Variants in ERAP1 observed in about 807,000 individuals in gnomAD.
ERAP1 encodes the protein endoplasmic reticulum aminopeptidase 1, also known as adipocyte-derived leucine aminopeptidase.
In ERAP1, 86 loss-of-function variants were observed where a neutral mutation model predicts 103.7. The observed-to-expected ratio is 0.83, with a 90% CI of 0.70 to 0.99. ERAP1 has a LOEUF of 0.99. ERAP1 is among the 50% of genes least tolerant of loss of function. The pLI, the probability that ERAP1 is intolerant of heterozygous loss-of-function variation, is 0.00. For synonymous variants in ERAP1, 398 were observed against 402.4 expected, an observed-to-expected ratio of 0.99 and a Z score of 0.13; for missense variants, 1,009 against 1,128.4, an observed-to-expected ratio of 0.89 and a Z score of 1.52.
Position 96,781,067 on chromosome 5 carries a change from A to G in ERAP1, c.2579T>C (p.Leu860Pro). 4 of 1,614,074 alleles carry G rather than the reference A, an allele frequency of 2.5e-6. No individual in the cohort carries two copies. The highest frequency in any genetic ancestry group is 3.4e-6 in the Non-Finnish European group (4 of 1,179,996). The change falls in exon 17 of 19, where the codon CTT (leucine) becomes CCT (proline). Residue 860 changes from leucine (L) to proline (P), a missense_variant. Physicochemically the swap from Leu to Pro is moderately conservative, Grantham distance 98 (BLOSUM62 -3). Around this residue, in one of 3 missense-constraint regions of ERAP1, gnomAD observed 611 missense variants for 651.7 expected, o/e 0.94. Coordinates refer to ENST00000443439, the MANE Select transcript of ERAP1 (RefSeq NM_001040458.3). ...WQFLRKNWNK[L>P]VQKFELGSSS... ...TTTTGGCACCACTTACTTTTGTACA[A>G]GTTTGTTCCAGTTTTTCCTCAGAAA...
chr5:96,908,940 G>C, the ERAP1 span: 1 of 1,604,658 alleles, frequency 6.2e-7, no homozygotes, highest in Non-Finnish European at 8.5e-7. Context: ...ACAAACCACT[G>C]ACATTTGTTT....
the ERAP1 span, among the ~76,000 whole-genome samples, chr5:96,922,082 G>C: frequency 4.1e-3 from 616 of 151,224 alleles, 5 homozygotes; most frequent in African/African-American, 0.014. Context: ...GCGGATCACA[G>C]GGTCAGGAGA....
chr5:96,837,826 A>C, the ERAP1 span, among the ~76,000 whole-genome samples: 3 of 152,170 alleles, frequency 2.0e-5, no homozygotes, highest in Non-Finnish European at 4.4e-5. Flanking sequence ...TGCTGGTGAA[A>C]GTGGCTCTCA....
At chr5:96,885,470 T>C in the ERAP1 span, among the ~76,000 whole-genome samples, 1 of 152,238 alleles carries the variant, frequency 6.6e-6, no homozygotes, top group Admixed American at 6.5e-5. Context: ...TACCTTCCTC[T>C]TTATTGGAGC....
At chr5:96,770,283 G>A, downstream of ERAP1, 1 of 471,492 alleles carries the variant, frequency 2.1e-6, no homozygotes, top group Non-Finnish European at 3.9e-6. Context: ...GGGTGAGTCA[G>A]GCACCACGGG....
the ERAP1 span, among the ~76,000 whole-genome samples, chr5:96,932,354 G>A: frequency 2.6e-5 from 4 of 152,232 alleles, no homozygotes; most frequent in African/African-American, 9.6e-5. Flanking sequence ...AAAATAATTA[G>A]AAAGATCACT....
At chr5:96,880,065 A>T in the ERAP1 span, 1 of 1,614,192 alleles carries the variant, frequency 6.2e-7, no homozygotes, top group South Asian at 1.1e-5. Flanking sequence ...TCAGAGGAAG[A>T]TTCAAGATAC....
chr5:96,836,185 T>TTG, the ERAP1 span, among the ~76,000 whole-genome samples: 1 of 150,290 alleles, frequency 6.7e-6, no homozygotes. Flanking sequence ...GGTTTTTTTT[T>TTG]TTTTTTTTTT....
the ERAP1 span, among the ~76,000 whole-genome samples, chr5:96,860,417 A>C: frequency 6.6e-6 from 1 of 152,154 alleles, no homozygotes; most frequent in Admixed American, 6.6e-5. Flanking sequence ...ATAAGTAATT[A>C]TATTTATAAT....
the ERAP1 span, among the ~76,000 whole-genome samples, chr5:96,820,307 T>C: frequency 6.6e-6 from 1 of 151,834 alleles, no homozygotes; most frequent in African/African-American, 2.4e-5. Context: ...TGAAAGAAAA[T>C]CTCATTTTCA....
the ERAP1 span, chr5:96,883,854 A>G: frequency 2.5e-6 from 4 of 1,613,924 alleles, no homozygotes; most frequent in Non-Finnish European, 3.4e-6. Flanking sequence ...TGCTTTGATG[A>G]ACCGTTGTTC....
chr5:96,866,011 C>A, the ERAP1 span, among the ~76,000 whole-genome samples: 2 of 152,182 alleles, frequency 1.3e-5, no homozygotes, highest in African/African-American at 4.8e-5. Flanking sequence ...CTCAATCTAC[C>A]AAATATACAT....
intron 3 of ERAP1, among the ~76,000 whole-genome samples, chr5:96,797,684 C>A (rs571882322): frequency 1.4e-4 from 22 of 152,258 alleles, no homozygotes; most frequent in African/African-American, 4.8e-4. Context: ...TCTATAGTTA[C>A]TTTAAAAGTT....
Position 96,781,821 on chromosome 5 carries a change from A to G in ERAP1, c.2319T>C (p.Ala773=), listed in dbSNP as rs1249491150. 6.2e-7 allele frequency: 1 copy of G among 1,614,116 alleles called. No individual in the cohort carries two copies. The highest frequency in any genetic ancestry group is 1.7e-5 in the Admixed American group (1 of 60,020). The part of the protein sequence containing the change: ...LPVDVTLAVF[A]VGAQSTEGWD... ...AGCCTTCTGTGCTCTGGGCCCCCAC[A>G]GCAAACACTGCCAAGGTCACGTCGA... The change falls in exon 16 of 19, where the codon GCT becomes GCC. Residue 773 remains alanine (A), a synonymous_variant. Transcript: ENST00000443439.
chr5:96,786,377 T>C lies in ERAP1; in HGVS notation c.1759+93A>G. ...ATTTTCAATCTGATCCCTTTTGCTT[T>C]AACCAAGATAAATAGCAAAAGAAAC... On this transcript the variant is annotated intron_variant, in intron 12 of 18. Coordinates refer to ENST00000443439, the MANE Select transcript of ERAP1 (RefSeq NM_001040458.3). The C allele has an allele frequency of 3.4e-6, 3 of 891,996 alleles. No individual in the cohort carries two copies. The South Asian group carries it at 4.3e-5, about 13-fold the overall frequency. 55.3% of individuals were successfully genotyped at this position (891,996 alleles called of 1,614,324 possible). A position where few individuals can be genotyped will look rare whatever the true frequency, so the allele number is the denominator to read the frequency against.
At chr5:96,787,806 A>ATATATACACATATATATG in intron 11 of ERAP1, among the ~76,000 whole-genome samples, 1 of 91,596 alleles carries the variant, frequency 1.1e-5, no homozygotes, top group Non-Finnish European at 2.4e-5. Context: ...ATGTGTGTGT[A>ATATATACACATATATATG]TATATATACA....
At chr5:96,901,638 G>A in the ERAP1 span, 1 of 1,613,982 alleles carries the variant, frequency 6.2e-7, no homozygotes, top group Non-Finnish European at 8.5e-7. Context: ...CTTCCTCCAG[G>A]GGGTTTTCCA....
chr5:96,902,969 C>T, the ERAP1 span, among the ~76,000 whole-genome samples: 2 of 152,074 alleles, frequency 1.3e-5, no homozygotes, highest in South Asian at 4.2e-4. Context: ...ACCTGGAGTC[C>T]TTCTTTACTA....
chr5:96,882,497 C>T, the ERAP1 span, among the ~76,000 whole-genome samples: 1 of 152,202 alleles, frequency 6.6e-6, no homozygotes, highest in African/African-American at 2.4e-5. Context: ...ATGAATCTCT[C>T]TCTCTTTCTT....
Sources: allele counts gnomAD v4.1 joint callset (sites outside exome capture counted in the v4.1 genomes callset), GRCh38; gene constraint gnomAD v4.1.1; regional missense constraint gnomAD v4.1.1; transcripts MANE v1.5; gene names NCBI Gene and HGNC (gene_info 2026-07-23, HGNC 2026-07-21).